SPHKAP: variants seen among roughly 807,000 people sequenced by gnomAD.
SPHKAP encodes A-kinase anchor protein SPHKAP.
Under a neutral mutation model 137.5 loss-of-function variants are expected in SPHKAP, and 67 were observed. The observed-to-expected ratio is 0.49, with a 90% confidence interval of 0.40 to 0.60. The LOEUF is 0.60. Among genes scored for constraint, SPHKAP ranks in the 20% least tolerant of loss-of-function variants. SPHKAP has a pLI of 0.00. For missense variants in SPHKAP, 2,097 were observed against 2,069.3 expected (o/e 1.01, Z -0.26); for synonymous variants, 813 against 785.3 (o/e 1.04, Z -0.59).
At chr2:228,099,779 T>TTGTG (rs1180297979) in intron 3 of SPHKAP, among the ~76,000 whole-genome samples, 1 of 151,640 alleles carries the variant, frequency 6.6e-6, no homozygotes, top group South Asian at 2.1e-4. Flanking sequence ...GTGTGTGTGT[T>TTGTG]TGTGTGTGTG....
intron 3 of SPHKAP, among the ~76,000 whole-genome samples, chr2:228,071,978 G>T (rs1038121719): frequency 6.6e-6 from 1 of 152,198 alleles, no homozygotes; most frequent in Non-Finnish European, 1.5e-5. Context: ...ATTTCTGGAA[G>T]AGACTAGCCA....
chr2:228,055,159 A>AAAAAAAAAAAAAAAAAAAAAT (rs1696394892), intron 3 of SPHKAP, among the ~76,000 whole-genome samples: 1 of 148,124 alleles, frequency 6.8e-6, no homozygotes, highest in African/African-American at 2.5e-5. Context: ...AAAAAAAAAA[A>AAAAAAAAAAAAAAAAAAAAAT]GTGGTTTGAA....
chr2:228,031,726 C>T (rs1695331021), intron 3 of SPHKAP, among the ~76,000 whole-genome samples: 1 of 152,236 alleles, frequency 6.6e-6, no homozygotes, highest in South Asian at 2.1e-4. Context: ...TGCTGTTCTA[C>T]AGCCACCGCT....
chr2:228,108,389 G>A (rs1325514651), intron 3 of SPHKAP, among the ~76,000 whole-genome samples: 1 of 151,796 alleles, frequency 6.6e-6, no homozygotes, highest in East Asian at 1.9e-4. Context: ...ATTTTTTTAG[G>A]TTGAAAAGTT....
rs530358218 is a variant in SPHKAP, at chr2:228,179,564, C to T, written c.32+2003G>A. Among the ~76,000 whole-genome samples the T allele has an allele frequency of 3.3e-5, 5 of 152,192 alleles. No homozygotes were observed. In the East Asian group the frequency reaches 9.7e-4, roughly 29 times the overall value. ...TAATAAAATACCCGAAATTACTACA[C>T]TGATTTGTGGATTAAGAAGGCTAAT... On this transcript the variant is annotated intron_variant, in intron 1 of 11. Transcript: ENST00000392056.
At chr2:227,988,057 C>T (rs1693278792) in intron 11 of SPHKAP, among the ~76,000 whole-genome samples, 1 of 152,186 alleles carries the variant, frequency 6.6e-6, no homozygotes, top group East Asian at 1.9e-4. Flanking sequence ...GGAAGACGAG[C>T]TCTCTTTCGT....
chr2:228,159,051 T>A (rs1197694823), intron 1 of SPHKAP, among the ~76,000 whole-genome samples: 1 of 152,130 alleles, frequency 6.6e-6, no homozygotes, highest in East Asian at 1.9e-4. Context: ...AATTTACCAA[T>A]GGGCGGTGAT....
chr2:228,104,427 TA>T, intron 3 of SPHKAP, among the ~76,000 whole-genome samples: 1 of 148,852 alleles, frequency 6.7e-6, no homozygotes, highest in African/African-American at 2.4e-5. Flanking sequence ...TAATATATTG[TA>T]ATATTTCTTT....
chr2:227,982,168 TG>T (rs1255037569), intron 11 of SPHKAP: 1 of 985,184 alleles, frequency 1.0e-6, no homozygotes, highest in Admixed American at 6.2e-5. Context: ...AGTGTTTTCT[TG>T]GGTCTGCTTT....
intron 2 of SPHKAP, among the ~76,000 whole-genome samples, chr2:228,116,189 G>A (rs976341667): frequency 1.3e-5 from 2 of 152,220 alleles, no homozygotes; most frequent in African/African-American, 4.8e-5. Flanking sequence ...AGGAAGTTAG[G>A]GAAAGCTGGA....
At chr2:228,092,216 CACACATAT>C (rs1178794412) in intron 3 of SPHKAP, among the ~76,000 whole-genome samples, 2 of 146,144 alleles carry the variant, frequency 1.4e-5, no homozygotes, top group Non-Finnish European at 1.5e-5. Context: ...CACATATATA[CACACATAT>C]ATACACACAT....
At chr2:228,150,625 T>TA (rs1418650919) in intron 1 of SPHKAP, among the ~76,000 whole-genome samples, 1 of 151,936 alleles carries the variant, frequency 6.6e-6, no homozygotes, top group African/African-American at 2.4e-5. Context: ...GATGTTTACT[T>TA]TTTTTTTCAT....
chr2:228,111,358 A>T (rs1254807085), intron 2 of SPHKAP, among the ~76,000 whole-genome samples: 2 of 152,130 alleles, frequency 1.3e-5, no homozygotes, highest in Non-Finnish European at 2.9e-5. Context: ...ATTCAGTGAG[A>T]TGATATATGT....
chr2:228,073,155 A>G (rs1419130327), intron 3 of SPHKAP, among the ~76,000 whole-genome samples: 5 of 152,224 alleles, frequency 3.3e-5, no homozygotes, highest in Admixed American at 1.3e-4. Flanking sequence ...GGGGCAGAAT[A>G]ATTGACCCCA....
intron 9 of SPHKAP, 152 bp from the exon 10 acceptor site, chr2:227,991,478 C>A (rs1693413521): frequency 6.7e-7 from 1 of 1,491,534 alleles, no homozygotes; most frequent in Non-Finnish European, 8.9e-7. Context: ...TGGGAAAACA[C>A]CAATGTGGCT....
chr2:228,024,212 G>A (rs899893759), intron 5 of SPHKAP, among the ~76,000 whole-genome samples: 3 of 152,154 alleles, frequency 2.0e-5, no homozygotes, highest in African/African-American at 7.2e-5. Flanking sequence ...GGTCTAGTAA[G>A]TTAAACTCAA....
At chr2:228,064,367 G>T (rs1425189976) in intron 3 of SPHKAP, among the ~76,000 whole-genome samples, 4 of 152,106 alleles carry the variant, frequency 2.6e-5, no homozygotes, top group African/African-American at 9.7e-5. Flanking sequence ...AGAATAAAAA[G>T]TTTCAGATCA....
At chr2:228,030,198 CAATGTGG>C (rs1695229305) in intron 3 of SPHKAP, among the ~76,000 whole-genome samples, 1 of 152,100 alleles carries the variant, frequency 6.6e-6, no homozygotes, top group African/African-American at 2.4e-5. Context: ...GATGTGCATG[CAATGTGG>C]GGAGGCCTTC....
At chr2:228,125,995 G>A (rs1357404565) in intron 2 of SPHKAP, among the ~76,000 whole-genome samples, 2 of 152,060 alleles carry the variant, frequency 1.3e-5, no homozygotes, top group African/African-American at 2.4e-5. Flanking sequence ...CAGGAGAAAC[G>A]CTTGAACCCA....
Sources: gnomAD v4.1 joint callset for allele counts (sites outside exome capture counted in the v4.1 genomes callset) on GRCh38, gnomAD v4.1.1 for gene constraint, MANE v1.5 for transcripts, NCBI Gene and HGNC (gene_info 2026-07-23, HGNC 2026-07-21) for gene names.